PDLIM3: variants seen among roughly 807,000 people sequenced by gnomAD.
PDLIM3 encodes the protein PDZ and LIM domain protein 3.
In PDLIM3, 36 loss-of-function variants were observed where a neutral mutation model predicts 37.3. The observed-to-expected ratio is 0.97, with a 90% confidence interval of 0.74 to 1.28. PDLIM3 has a LOEUF of 1.28. Ranked by LOEUF, PDLIM3 falls within the 50% of genes most tolerant of loss-of-function variation. PDLIM3 has a pLI of 0.00. For synonymous variants in PDLIM3, 174 were observed against 182.4 expected (o/e 0.95, Z 0.37); for missense variants, 454 against 485.0 (o/e 0.94, Z 0.60).
intron 2 of PDLIM3, among the ~76,000 whole-genome samples, chr4:185,523,838 G>C (rs550646987): frequency 6.6e-6 from 1 of 151,926 alleles, no homozygotes; most frequent in East Asian, 1.9e-4. Flanking sequence ...GGCTGGTCAT[G>C]AACTCTGGAC....
At position 185,508,196 on chromosome 4, in the gene PDLIM3, C is replaced by A; in HGVS notation, c.662+103G>T. 2.6e-6 allele frequency: 3 copies of A among 1,157,266 alleles called. No individual in the cohort carries two copies. The South Asian group carries it at 3.8e-5, about 14-fold the overall frequency. 71.7% of individuals were successfully genotyped at this position (1,157,266 alleles called of 1,614,324 possible). A position where few individuals can be genotyped will look rare whatever the true frequency, so the allele number is the denominator to read the frequency against. On this transcript the variant is annotated intron_variant, in intron 5 of 7. Transcript: ENST00000284767. ...CTTAGTATTTTAAAAAAGCTTTTCA[C>A]ATAGCTTTCTTTCCATTAAGACAAT...
chr4:185,523,049 G>T, intron 3 of PDLIM3: 1 of 297,856 alleles, frequency 3.4e-6, no homozygotes, highest in Middle Eastern at 1.1e-3. Context: ...AAACTCCTTA[G>T]ATTACCTCAC....
At chr4:185,520,894 T>C (rs28464509) in intron 3 of PDLIM3, among the ~76,000 whole-genome samples, 22,480 of 65,126 alleles carry the variant, frequency 0.35, 8,476 homozygotes, top group African/African-American at 0.59. Context: ...TTAGGAGAAA[T>C]TCTTGCATGG....
rs930154079 is a variant in PDLIM3 at position 185,504,010 on chromosome 4, T to C, written c.905+465A>G. On this transcript the variant is annotated intron_variant, in intron 7 of 7. Coordinates refer to ENST00000284767, the MANE Select transcript of PDLIM3 (RefSeq NM_014476.6). The surrounding 1 kb of genome is among the most constrained non-coding windows in gnomAD (Gnocchi z 4.7). Reference sequence around the variant, plus strand: ...GTTTTTCAATATTTTGTTTCAACATTTGTGTAACTTACACTGGGTAAGGAT... The same window carrying C: ...GTTTTTCAATATTTTGTTTCAACATCTGTGTAACTTACACTGGGTAAGGAT... 2.0e-5 allele frequency among the ~76,000 whole-genome samples: 3 copies of C among 151,984 alleles called. No homozygotes were observed. Among genetic ancestry groups the C allele is most frequent in the Non-Finnish European group, 2.9e-5 (2 of 67,996 alleles).
At chr4:185,529,814 G>A (rs56931785) in intron 1 of PDLIM3, among the ~76,000 whole-genome samples, 3,993 of 152,232 alleles carry the variant, frequency 0.026, 179 homozygotes, top group African/African-American at 0.092. Flanking sequence ...TGCTTGGAAA[G>A]TATAAGAAGC....
Position 185,502,311 on chromosome 4 carries a change from G to A in PDLIM3, c.1078C>T (p.Leu360=), listed in dbSNP as rs974220815. 19 of 1,614,234 alleles carry A rather than the reference G, an allele frequency of 1.2e-5. No individual in the cohort carries two copies. The highest frequency in any genetic ancestry group is 1.7e-5 in the Admixed American group (1 of 60,032). Residue 360 remains leucine, a synonymous_variant, in exon 8 of 8, where the codon CTG becomes TTG. Coordinates refer to ENST00000284767, the MANE Select transcript of PDLIM3 (RefSeq NM_014476.6). ...KPPEGYDTVT[L]YPKA is the part of the protein sequence containing the mutation. The stretch of plus-strand genomic sequence containing the variant: ...GCAGAGACTTAAGCTTTGGGATACA[G>A]AGTGACCGTGTCATAGCCCTCTGGG...
At chr4:185,516,639 T>C (rs1310659364) in intron 3 of PDLIM3, 1 of 152,166 alleles carries the variant, frequency 6.6e-6, no homozygotes, top group Non-Finnish European at 1.5e-5. Flanking sequence ...TACTCCTTCT[T>C]CTACTATCTA....
At chr4:185,519,279 A>G (rs2095719227) in intron 3 of PDLIM3, among the ~76,000 whole-genome samples, 2 of 152,166 alleles carry the variant, frequency 1.3e-5, no homozygotes, top group Non-Finnish European at 2.9e-5. Flanking sequence ...GATAGCATGG[A>G]AAAATTATTA....
At chr4:185,502,548 G>C in intron 7 of PDLIM3, 65 bp from the exon 8 acceptor site, 1 of 1,432,528 alleles carries the variant, frequency 7.0e-7, no homozygotes, top group Non-Finnish European at 9.8e-7. Context: ...ACAAAGGAGA[G>C]AACCCAACAG....
intron 4 of PDLIM3, among the ~76,000 whole-genome samples, chr4:185,509,232 T>A (rs1276439484): frequency 6.6e-6 from 1 of 152,208 alleles, no homozygotes; most frequent in Non-Finnish European, 1.5e-5. Context: ...GTGAGGAGTA[T>A]ACTTTAAGAC....
chr4:185,508,610 C>G, intron 4 of PDLIM3, 48 bp from the exon 5 acceptor site: 5 of 1,601,452 alleles, frequency 3.1e-6, no homozygotes, highest in Non-Finnish European at 4.3e-6. Flanking sequence ...GGGAGCCAGA[C>G]AGTCCAGACA....
In PDLIM3 at chr4:185,502,361, G is replaced by C; in HGVS notation, c.1028C>G (p.Thr343Ser). 1 of 1,614,230 alleles carries C rather than the reference G, an allele frequency of 6.2e-7. No homozygotes were observed. Among genetic ancestry groups the C allele is most frequent in the Non-Finnish European group, 8.5e-7 (1 of 1,180,042 alleles). The part of the protein sequence containing the change: ...FFIEGELYCE[T>S]HARARTKPPE... ...GGGCTTTGTGCGGGCTCTTGCGTGG[G>C]TTTCGCAGTACAGCTCCCCTTCTAT... Residue 343 changes from threonine (T) to serine (S), a missense_variant, in exon 8 of 8, where the codon ACC becomes AGC. Thr to Ser is a moderately conservative substitution (Grantham distance 58). Coordinates refer to ENST00000284767, the MANE Select transcript of PDLIM3 (RefSeq NM_014476.6).
chr4:185,506,199 G>A (rs1043257987), intron 6 of PDLIM3, among the ~76,000 whole-genome samples: 2 of 152,188 alleles, frequency 1.3e-5, no homozygotes, highest in Non-Finnish European at 2.9e-5. Flanking sequence ...AGAGTGTGGG[G>A]GGGAGGCTGA....
rs1384878275 is a variant in PDLIM3, at chr4:185,504,550, G to A, written c.830C>T (p.Pro277Leu). The A allele has an allele frequency of 4.3e-6, 7 of 1,613,988 alleles. No individual in the cohort carries two copies. Among genetic ancestry groups the A allele is most frequent in the Admixed American group, 3.3e-5 (2 of 59,998 alleles). ...RPAGTRSVRA[P>L]VTKVHGGSGG... ...TGAACCGCCATGGACTTTCGTCACC[G>A]GAGCTCTCACACTCCGCGTTCCAGC... Residue 277 changes from proline (P) to leucine (L), a missense_variant, in exon 7 of 8, where the codon CCG becomes CTG. Pro to Leu is a moderately conservative substitution (Grantham distance 98). Transcript: ENST00000284767. The surrounding 1 kb of genome is among the most constrained non-coding windows in gnomAD (Gnocchi z 4.7).
chr4:185,531,610 C>T (rs141549350), intron 1 of PDLIM3, among the ~76,000 whole-genome samples: 5 of 152,112 alleles, frequency 3.3e-5, no homozygotes, highest in African/African-American at 1.2e-4. Flanking sequence ...GTTGGAGCCC[C>T]ATTGTCTAGC....
At position 185,523,283 on chromosome 4, in the gene PDLIM3, T is replaced by C. The variant is rs959043691; in HGVS notation, c.330+79A>G. On this transcript the variant is annotated intron_variant, in intron 3 of 7. Transcript: ENST00000284767. ...GGTGGCTTGTTCCAATTTTTCTATT[T>C]GTCTCTTCCTCCCCTTGGAAGGCAT... 14 of 957,584 alleles carry C rather than the reference T, an allele frequency of 1.5e-5. No individual in the cohort carries two copies. The African/African-American group carries it at 2.1e-4, about 14-fold the overall frequency. 59.3% of individuals were successfully genotyped at this position (957,584 alleles called of 1,614,324 possible).
At chr4:185,530,432 ATTCTCAGT>A (rs2095741947) in intron 1 of PDLIM3, among the ~76,000 whole-genome samples, 1 of 152,224 alleles carries the variant, frequency 6.6e-6, no homozygotes, top group African/African-American at 2.4e-5. Flanking sequence ...CTCATATAGC[ATTCTCAGT>A]TATAATAATC....
Position 185,508,579 on chromosome 4 carries a change from A to T in PDLIM3, c.399-17T>A. The T allele has an allele frequency of 6.2e-7, 1 of 1,613,134 alleles. No homozygotes were observed. The highest frequency in any genetic ancestry group is 8.5e-7 in the Non-Finnish European group (1 of 1,179,432). On this transcript the variant is annotated splice_polypyrimidine_tract_variant and intron_variant, in intron 4 of 7. Coordinates refer to ENST00000284767, the MANE Select transcript of PDLIM3 (RefSeq NM_014476.6). ...CTGCATCCACTGTGTTAATGGATAC[A>T]CGTTACACAGAGATGGCACCGGGAG... is the stretch of plus-strand genomic sequence containing the variant.
At chr4:185,525,762 C>G (rs1390421657) in intron 1 of PDLIM3, among the ~76,000 whole-genome samples, 1 of 152,086 alleles carries the variant, frequency 6.6e-6, no homozygotes, top group Non-Finnish European at 1.5e-5. Context: ...ATGAAAAAGG[C>G]CTCAGAGAGA....
Sources: gnomAD v4.1 joint callset for allele counts (sites outside exome capture counted in the v4.1 genomes callset) on GRCh38, gnomAD v4.1.1 for gene constraint, Gnocchi (gnomAD v3.1) non-coding constraint, MANE v1.5 for transcripts, NCBI Gene and HGNC (gene_info 2026-07-23, HGNC 2026-07-21) for gene names.